ZFHX3: variants seen among roughly 807,000 people sequenced by gnomAD.
ZFHX3 encodes zinc finger homeobox 3, also known as zinc finger homeobox protein 3.
ZFHX3 carries 42 observed loss-of-function variants against 279.1 expected under a neutral mutation model. That is an observed-to-expected ratio of 0.15 (90% CI 0.12 to 0.19). The LOEUF (loss-of-function observed/expected upper bound fraction) is 0.19. Among genes scored for constraint, ZFHX3 ranks in the 10% least tolerant of loss-of-function variants. The probability of loss-of-function intolerance (pLI) is 1.00; values close to 1 mark genes in which losing one functional copy is unlikely to be tolerated. For synonymous variants in ZFHX3, 2,293 were observed against 1,957.8 expected, an observed-to-expected ratio of 1.17 and a Z score of -4.52; for missense variants, 4,981 against 4,754.0, an observed-to-expected ratio of 1.05 and a Z score of -1.40.
chr16:73,010,110 T>C (rs1488757525), intron 1 of ZFHX3, among the ~76,000 whole-genome samples: 2 of 150,276 alleles, frequency 1.3e-5, no homozygotes, highest in Non-Finnish European at 3.0e-5. Context: ...GCACGCCCCA[T>C]GGGAAGGTGG....
Position 73,638,585 on chromosome 16 carries a change from C to T in ZFHX3, c.-1547+41595G>A, listed in dbSNP as rs140326355. On this transcript the variant is annotated intron_variant, in intron 2 of 17. Transcript: ENST00000641206. ...TGAAAGAATGCTAGTATTTTGTATG[C>T]TTACATACAGTTTGCCTTCAATAAA... 2.2e-3 allele frequency among the ~76,000 whole-genome samples: 331 copies of T among 152,252 alleles called. 1 individual carries two copies. The highest frequency in any genetic ancestry group is 7.7e-3 in the African/African-American group (318 of 41,552).
chr16:73,640,494 A>G (rs1467496407), intron 2 of ZFHX3, among the ~76,000 whole-genome samples: 1 of 152,196 alleles, frequency 6.6e-6, no homozygotes, highest in African/African-American at 2.4e-5. Context: ...TAGAAGTAAT[A>G]TTTTTAGAAA....
At chr16:73,479,650 C>A (rs2018829658) in intron 2 of ZFHX3, among the ~76,000 whole-genome samples, 2 of 152,194 alleles carry the variant, frequency 1.3e-5, no homozygotes, top group African/African-American at 2.4e-5. Flanking sequence ...CTTCCTCAGT[C>A]TGTCATCCTG....
intron 2 of ZFHX3, among the ~76,000 whole-genome samples, chr16:73,533,848 A>C (rs2019848996): frequency 6.6e-6 from 1 of 152,106 alleles, no homozygotes; most frequent in South Asian, 2.1e-4. Flanking sequence ...TCCTAAATGT[A>C]CACAGAATCC....
intron 2 of ZFHX3, among the ~76,000 whole-genome samples, chr16:73,577,801 A>G (rs1338601740): frequency 6.6e-6 from 1 of 152,220 alleles, no homozygotes; most frequent in Non-Finnish European, 1.5e-5. Flanking sequence ...ATAGTTTTAT[A>G]GTTTTTACCC....
At chr16:72,800,561 T>C (rs1035948115) in intron 7 of ZFHX3, among the ~76,000 whole-genome samples, 2 of 152,070 alleles carry the variant, frequency 1.3e-5, no homozygotes, top group Non-Finnish European at 2.9e-5. Context: ...GGGAGCATTG[T>C]AGTACTGTTT....
At chr16:73,831,230 C>T (rs1244937192) in intron 1 of ZFHX3, among the ~76,000 whole-genome samples, 1 of 152,112 alleles carries the variant, frequency 6.6e-6, no homozygotes, top group Non-Finnish European at 1.5e-5. Context: ...ACAGAAAAAT[C>T]ACATAATTGA....
intron 5 of ZFHX3, among the ~76,000 whole-genome samples, chr16:72,825,716 C>T (rs771707032): frequency 1.3e-5 from 2 of 152,172 alleles, no homozygotes; most frequent in Non-Finnish European, 2.9e-5. Flanking sequence ...GTTGCTGTAC[C>T]TATGATGCAT....
In ZFHX3 at chr16:73,334,810, C is replaced by CTTTTTTTTTTTTTTTTTTTTTTTTT. The variant is rs368597124; in HGVS notation, c.-1290-16499_-1290-16475dup. On this transcript the variant is annotated intron_variant, in intron 3 of 17. Coordinates refer to the ZFHX3 transcript ENST00000641206. The stretch of plus-strand genomic sequence containing the variant: ...TCTTTTCCTCCTTTTCTTTCTCATT[C>CTTTTTTTTTTTTTTTTTTTTTTTTT]TTTTTTTTTTTTTTTTTTTTTTTTT... 2.9e-4 allele frequency among the ~76,000 whole-genome samples: 17 copies of CTTTTTTTTTTTTTTTTTTTTTTTTT among 57,916 alleles called. 3 individuals carry two copies. The highest frequency in any genetic ancestry group is 8.2e-4 in the East Asian group (2 of 2,430). 38.0% of individuals were successfully genotyped at this position (57,916 alleles called of 152,430 possible). A position where few individuals can be genotyped will look rare whatever the true frequency, so the allele number is the denominator to read the frequency against.
intron 3 of ZFHX3, among the ~76,000 whole-genome samples, chr16:72,946,607 G>A (rs984256763): frequency 6.6e-6 from 1 of 152,190 alleles, no homozygotes; most frequent in Non-Finnish European, 1.5e-5. Flanking sequence ...ACACATTTCA[G>A]AGAGCTCACC....
intron 5 of ZFHX3, among the ~76,000 whole-genome samples, chr16:73,189,155 C>T (rs1967977123): frequency 6.6e-6 from 1 of 152,200 alleles, no homozygotes; most frequent in African/African-American, 2.4e-5. Context: ...AGCCACCGCG[C>T]CCGCCCACAT....
chr16:73,436,946 T>C (rs1185675640), intron 3 of ZFHX3, among the ~76,000 whole-genome samples: 1 of 152,150 alleles, frequency 6.6e-6, no homozygotes, highest in Non-Finnish European at 1.5e-5. Context: ...CACAGATGCC[T>C]TGAACTTGAT....
rs76298577 is a variant in ZFHX3 at position 73,315,667 on chromosome 16, C to T, written c.-1194+2573G>A. 2.0e-3 allele frequency among the ~76,000 whole-genome samples: 303 copies of T among 151,860 alleles called. 1 individual carries two copies. The highest frequency in any genetic ancestry group is 7.1e-3 in the African/African-American group (294 of 41,412). Reference sequence around the variant, plus strand: ...ATGGTTTTATTATATGAGCCTTCAGCGGTAAAGAAGAAAGGAAAAAGCAAG... The same window carrying T: ...ATGGTTTTATTATATGAGCCTTCAGTGGTAAAGAAGAAAGGAAAAAGCAAG... On this transcript the variant is annotated intron_variant, in intron 4 of 17. Transcript: ENST00000641206.
chr16:72,892,674 A>C (rs1165186236), intron 3 of ZFHX3, among the ~76,000 whole-genome samples: 1 of 151,854 alleles, frequency 6.6e-6, no homozygotes, highest in African/African-American at 2.4e-5. Flanking sequence ...CACCTAGCTA[A>C]TTTTTGTATT....
intron 5 of ZFHX3, among the ~76,000 whole-genome samples, chr16:73,154,832 T>G (rs145479822): frequency 1.3e-3 from 192 of 151,796 alleles, no homozygotes; most frequent in African/African-American, 4.5e-3. Flanking sequence ...AAGCAAAGAT[T>G]GTGAAAATAA....
chr16:72,987,785 A>C (rs973718556), intron 1 of ZFHX3, among the ~76,000 whole-genome samples: 1 of 152,196 alleles, frequency 6.6e-6, no homozygotes, highest in Non-Finnish European at 1.5e-5. Context: ...TCTTAGAGGA[A>C]CTATTTGGCA....
chr16:73,378,601 G>A (rs930755509), intron 3 of ZFHX3, among the ~76,000 whole-genome samples: 4 of 152,068 alleles, frequency 2.6e-5, no homozygotes, highest in African/African-American at 9.7e-5. Flanking sequence ...CTTGCTTCCC[G>A]CAAGATAAGG....
chr16:73,184,339 G>A (rs117071361), intron 5 of ZFHX3, among the ~76,000 whole-genome samples: 1 of 152,354 alleles, frequency 6.6e-6, no homozygotes, highest in East Asian at 1.9e-4. Context: ...GAATCCAAGC[G>A]AGGGTTTCAT....
At chr16:73,784,810 T>A (rs764461459) in intron 1 of ZFHX3, among the ~76,000 whole-genome samples, 1 of 137,776 alleles carries the variant, frequency 7.3e-6, no homozygotes, top group African/African-American at 2.7e-5. Context: ...TATATATATA[T>A]ATATATACAC....
Sources: gnomAD v4.1 joint callset for allele counts (sites outside exome capture counted in the v4.1 genomes callset) on GRCh38, gnomAD v4.1.1 for gene constraint, MANE v1.5 for transcripts, NCBI Gene and HGNC (gene_info 2026-07-23, HGNC 2026-07-21) for gene names.